Variants in MCTP2 observed in about 807,000 individuals in gnomAD.
MCTP2 encodes multiple C2 and transmembrane domain-containing protein 2.
In MCTP2, 132 loss-of-function variants were observed where a neutral mutation model predicts 111.6. That is an observed-to-expected ratio of 1.18 (90% CI 1.03 to 1.37). The LOEUF (loss-of-function observed/expected upper bound fraction) is 1.37. Among genes scored for constraint, MCTP2 ranks in the 40% most tolerant of loss-of-function variants. MCTP2 has a pLI of 0.00. For synonymous variants in MCTP2, 395 were observed against 387.7 expected (o/e 1.02, Z -0.22); for missense variants, 1,183 against 1,067.9 (o/e 1.11, Z -1.50).
intron 19 of MCTP2, among the ~76,000 whole-genome samples, chr15:94,450,530 A>T (rs1303030771): frequency 6.6e-6 from 1 of 152,188 alleles, no homozygotes; most frequent in East Asian, 1.9e-4. Flanking sequence ...GCTTTTTTTC[A>T]TGCTAAATGC....
intron 2 of MCTP2, among the ~76,000 whole-genome samples, chr15:94,298,988 CCT>C (rs1567357169): frequency 3.3e-4 from 18 of 55,034 alleles, no homozygotes; most frequent in Non-Finnish European, 4.2e-4. Context: ...TCTCCCTCTC[CCT>C]CTCTCCCTCT....
intron 20 of MCTP2, among the ~76,000 whole-genome samples, chr15:94,459,812 G>A (rs539705609): frequency 5.8e-4 from 89 of 152,284 alleles, no homozygotes; most frequent in African/African-American, 2.0e-3. Flanking sequence ...TTACAATAAT[G>A]ATAGCAACAC....
rs113196593 is a variant in MCTP2, at chr15:94,309,868, A to T, written c.466-4414A>T. On this transcript the variant is annotated intron_variant, in intron 2 of 22. Transcript: ENST00000357742. ...ATTTAAAAAAACACAAATGAAAAAC[A>T]CTTACCTGAAAGGCAGCAGTGAGAG... Among the ~76,000 whole-genome samples the T allele has an allele frequency of 1.0e-2, 1,518 of 152,350 alleles. 22 individuals are homozygous for T. The highest frequency in any genetic ancestry group is 0.034 in the African/African-American group (1,410 of 41,580).
chr15:94,340,850 A>G lies in MCTP2; in HGVS notation c.895A>G (p.Ser299Gly). The G allele has an allele frequency of 6.2e-7, 1 of 1,612,514 alleles. No individual in the cohort carries two copies. Among genetic ancestry groups the G allele is most frequent in the African/African-American group, 1.3e-5 (1 of 74,968 alleles). The change falls in exon 7 of 23, where the codon AGT (serine) becomes GGT (glycine). Residue 299 changes from serine (S) to glycine (G), a missense_variant. Physicochemically the swap from Ser to Gly is moderately conservative, Grantham distance 56 (BLOSUM62 0). Coordinates refer to ENST00000357742, the MANE Select transcript of MCTP2 (RefSeq NM_001385001.1). ...EHILKLEDPN[S>G]LEDDMGVIVL... is the part of the protein sequence containing the mutation. Reference sequence around the variant, plus strand: ...TATTTTAAAACTGGAAGATCCAAACAGTTTAGAAGATGACATGGGAGTGAT... The same window carrying G: ...TATTTTAAAACTGGAAGATCCAAACGGTTTAGAAGATGACATGGGAGTGAT...
At chr15:94,375,205 C>T (rs771576135) in intron 12 of MCTP2, among the ~76,000 whole-genome samples, 2 of 152,114 alleles carry the variant, frequency 1.3e-5, no homozygotes, top group East Asian at 3.9e-4. Flanking sequence ...ATAACCAGAT[C>T]TCTTGAGAAC....
chr15:94,334,726 G>A (rs563879450), intron 4 of MCTP2, among the ~76,000 whole-genome samples: 14 of 150,598 alleles, frequency 9.3e-5, no homozygotes, highest in South Asian at 4.2e-4. Flanking sequence ...TTTTTTTTTC[G>A]GTGGAGATGG....
intron 17 of MCTP2, among the ~76,000 whole-genome samples, chr15:94,436,895 G>A (rs1390337846): frequency 6.6e-6 from 1 of 151,580 alleles, no homozygotes; most frequent in Non-Finnish European, 1.5e-5. Flanking sequence ...ATAGGGAAAG[G>A]GAAATAGGTA....
At chr15:94,247,634 C>T (rs768400) in intron 1 of MCTP2, among the ~76,000 whole-genome samples, 67,202 of 151,986 alleles carry the variant, frequency 0.44, 14,965 homozygotes, top group Non-Finnish European at 0.47. Flanking sequence ...GCATCCTCAC[C>T]ATAGTTTACT....
chr15:94,400,263 C>T (rs764208125), intron 16 of MCTP2, among the ~76,000 whole-genome samples: 1 of 152,168 alleles, frequency 6.6e-6, no homozygotes, highest in Non-Finnish European at 1.5e-5. Context: ...TCTCCTGATT[C>T]ATTGTATAAA....
chr15:94,356,594 T>C (rs2078639258), intron 9 of MCTP2, among the ~76,000 whole-genome samples: 1 of 152,150 alleles, frequency 6.6e-6, no homozygotes, highest in Non-Finnish European at 1.5e-5. Flanking sequence ...CTATGTTTCA[T>C]AGAATGTGGG....
intron 17 of MCTP2, among the ~76,000 whole-genome samples, chr15:94,437,309 A>G (rs2083534129): frequency 1.3e-5 from 2 of 152,048 alleles, no homozygotes; most frequent in African/African-American, 4.8e-5. Context: ...CTTACAGCTA[A>G]TAAGAGGTGA....
chr15:94,272,731 T>TA (rs920720337), intron 1 of MCTP2, among the ~76,000 whole-genome samples: 12 of 11,086 alleles, frequency 1.1e-3, no homozygotes, highest in African/African-American at 3.6e-3. Flanking sequence ...TAACACCATA[T>TA]TTTTTTTTCC....
intron 17 of MCTP2, among the ~76,000 whole-genome samples, chr15:94,418,791 A>G (rs1258675544): frequency 2.0e-5 from 3 of 152,150 alleles, no homozygotes; most frequent in Non-Finnish European, 4.4e-5. Flanking sequence ...CACATTTAAG[A>G]GAATAAAAAC....
chr15:94,337,338 G>T (rs1421072166), intron 4 of MCTP2, among the ~76,000 whole-genome samples: 1 of 152,096 alleles, frequency 6.6e-6, no homozygotes, highest in Non-Finnish European at 1.5e-5. Context: ...AAGATGCCTG[G>T]GGATTACCCA....
At chr15:94,435,262 C>CA (rs2083409292) in intron 17 of MCTP2, among the ~76,000 whole-genome samples, 1 of 152,156 alleles carries the variant, frequency 6.6e-6, no homozygotes, top group African/African-American at 2.4e-5. Flanking sequence ...GCCACCTTAA[C>CA]AATACCAAAT....
chr15:94,406,305 T>C (rs1436633213), intron 17 of MCTP2, among the ~76,000 whole-genome samples: 1 of 152,134 alleles, frequency 6.6e-6, no homozygotes, highest in Admixed American at 6.5e-5. Context: ...CTCATGTGTG[T>C]GTATGAGGTA....
At chr15:94,467,075 TATGTATAA>T (rs1414411338) in intron 20 of MCTP2, among the ~76,000 whole-genome samples, 27 of 152,330 alleles carry the variant, frequency 1.8e-4, no homozygotes, top group African/African-American at 5.5e-4. Flanking sequence ...AAATGATTTA[TATGTATAA>T]ATGTATGGAA....
At chr15:94,287,036 T>C (rs1449625705) in intron 1 of MCTP2, among the ~76,000 whole-genome samples, 1 of 152,204 alleles carries the variant, frequency 6.6e-6, no homozygotes, top group Non-Finnish European at 1.5e-5. Context: ...GGAACAAATA[T>C]GTTTATTTTT....
chr15:94,354,417 G>A (rs35187741), intron 8 of MCTP2, among the ~76,000 whole-genome samples: 26,067 of 152,106 alleles, frequency 0.17, 2,744 homozygotes, highest in East Asian at 0.31. Context: ...CTGTTCTCAT[G>A]ATAGATTCTC....
Sources: allele counts gnomAD v4.1 joint callset (sites outside exome capture counted in the v4.1 genomes callset), GRCh38; gene constraint gnomAD v4.1.1; transcripts MANE v1.5; gene names NCBI Gene and HGNC (gene_info 2026-07-23, HGNC 2026-07-21).